The following TENT4B variants were observed in gnomAD, a reference collection of about 807,000 sequenced individuals.
TENT4B encodes the protein PAP associated domain containing 5.
In TENT4B, 10 loss-of-function variants were observed where a neutral mutation model predicts 75.0. The ratio of observed to expected loss-of-function variants is 0.13; its 90% CI spans 0.08 to 0.23. The LOEUF is 0.23. TENT4B is among the 10% of genes least tolerant of loss of function. The probability of loss-of-function intolerance (pLI) is 1.00; values close to 1 mark genes in which losing one functional copy is unlikely to be tolerated. For missense variants in TENT4B, 579 were observed against 893.8 expected (o/e 0.65, Z 4.49); for synonymous variants, 350 against 357.7 (o/e 0.98, Z 0.24).
At chr16:50,166,780 A>AT (rs57856238) in intron 1 of TENT4B, among the ~76,000 whole-genome samples, 2,167 of 115,170 alleles carry the variant, frequency 0.019, 58 homozygotes, top group African/African-American at 0.063. Flanking sequence ...TGCCTGGCTA[A>AT]TTTTTTTTTT....
In TENT4B at chr16:50,178,230, A is replaced by T. The variant is rs993019455; in HGVS notation, c.638+23971A>T. Among the ~76,000 whole-genome samples, 3 of 139,594 alleles carry T rather than the reference A, an allele frequency of 2.1e-5. No homozygotes were observed. The East Asian group carries it at 6.3e-4, about 29-fold the overall frequency. The allele number at this position is 139,594 out of a possible 152,430, so 91.6% of individuals were successfully genotyped here. ...CAGCACTTTGGGAGGCGTAAGTGGG[A>T]GGATCACTTGAGGTCAGGAGTTTGA... is the stretch of plus-strand genomic sequence containing the variant. On this transcript the variant is annotated intron_variant, in intron 1 of 11. Coordinates refer to ENST00000561678, the MANE Select transcript of TENT4B (RefSeq NM_001365324.3).
intron 1 of TENT4B, among the ~76,000 whole-genome samples, chr16:50,167,480 T>A (rs1006726454): frequency 6.6e-6 from 1 of 152,040 alleles, no homozygotes; most frequent in Non-Finnish European, 1.5e-5. Flanking sequence ...TAATGTCTTT[T>A]AAAGCACAAA....
chr16:50,167,666 T>TTTG (rs55758522), intron 1 of TENT4B, among the ~76,000 whole-genome samples: 112,062 of 151,294 alleles, frequency 0.74, 42,097 homozygotes, highest in Non-Finnish European at 0.8. Context: ...TTGAGGTTTT[T>TTTG]TTGTTGTTGT....
intron 1 of TENT4B, among the ~76,000 whole-genome samples, chr16:50,192,843 T>C (rs1156431897): frequency 1.3e-5 from 2 of 152,114 alleles, no homozygotes; most frequent in Non-Finnish European, 2.9e-5. Flanking sequence ...TCCCAGCACT[T>C]TGGGAGGCTG....
chr16:50,168,759 C>T (rs1597227524), intron 1 of TENT4B, among the ~76,000 whole-genome samples: 1 of 152,232 alleles, frequency 6.6e-6, no homozygotes, highest in Middle Eastern at 3.4e-3. Context: ...GATTCTCCTG[C>T]CTCAGTCTCC....
At chr16:50,214,366 C>T (rs1021625514) in intron 3 of TENT4B, 99 bp downstream of exon 3, 2 of 916,432 alleles carry the variant, frequency 2.2e-6, no homozygotes, top group South Asian at 3.2e-5. Flanking sequence ...ATTTATAAAA[C>T]AAAATGGGGC....
chr16:50,161,609 A>G (rs1597219067), intron 1 of TENT4B, among the ~76,000 whole-genome samples: 1 of 152,170 alleles, frequency 6.6e-6, no homozygotes, highest in Admixed American at 6.5e-5. Context: ...ATTTGTTATT[A>G]TATTAACCTC....
intron 1 of TENT4B, among the ~76,000 whole-genome samples, chr16:50,166,871 C>G (rs1355029419): frequency 6.6e-6 from 1 of 151,266 alleles, no homozygotes; most frequent in Non-Finnish European, 1.5e-5. Flanking sequence ...CTGAAGCAAT[C>G]CGCCCATCTC....
intron 3 of TENT4B, among the ~76,000 whole-genome samples, chr16:50,215,403 A>C (rs1165597766): frequency 4.6e-5 from 7 of 152,210 alleles, no homozygotes; most frequent in Admixed American, 2.6e-4. Context: ...CTTCGAGTTA[A>C]TATTTCTTAT....
chr16:50,194,575 G>A (rs2030084999), intron 1 of TENT4B, among the ~76,000 whole-genome samples: 1 of 151,422 alleles, frequency 6.6e-6, no homozygotes, highest in African/African-American at 2.4e-5. Flanking sequence ...CTTTGAGACA[G>A]GGTCTTGCTC....
At chr16:50,205,419 A>T (rs920821229) in intron 1 of TENT4B, among the ~76,000 whole-genome samples, 1 of 151,752 alleles carries the variant, frequency 6.6e-6, no homozygotes, top group Non-Finnish European at 1.5e-5. Flanking sequence ...AGTCTTCCTA[A>T]CTCTCCTGCC....
intron 1 of TENT4B, among the ~76,000 whole-genome samples, chr16:50,194,910 G>A (rs1302359956): frequency 2.6e-5 from 4 of 151,778 alleles, no homozygotes; most frequent in African/African-American, 4.8e-5. Flanking sequence ...CACCATGCCC[G>A]GCTAATTTTT....
chr16:50,196,143 T>C (rs1227289604), intron 1 of TENT4B, among the ~76,000 whole-genome samples: 3 of 152,216 alleles, frequency 2.0e-5, no homozygotes, highest in Non-Finnish European at 4.4e-5. Context: ...CTGAGGGATT[T>C]GATAAGATGA....
chr16:50,222,200 A>T, intron 5 of TENT4B, 106 bp from the exon 6 acceptor site: 1 of 1,035,422 alleles, frequency 9.7e-7, no homozygotes, highest in Non-Finnish European at 1.4e-6. Flanking sequence ...AGTATGTTGT[A>T]TATCTCTACC....
chr16:50,201,372 ACT>A (rs749931300), intron 1 of TENT4B, among the ~76,000 whole-genome samples: 61 of 151,910 alleles, frequency 4.0e-4, no homozygotes, highest in Non-Finnish European at 8.1e-4. Context: ...CGCTGTCTCT[ACT>A]AAAAATACAA....
rs2037813254 is a variant in TENT4B, at chr16:50,153,465, C to T, written c.-157C>T. On this transcript the variant is annotated 5_prime_UTR_variant, in exon 1 of 12. Coordinates refer to ENST00000561678, the MANE Select transcript of TENT4B (RefSeq NM_001365324.3). ...GGCGCCGGCCGGGCTCCCTGCGCGA[C>T]CGCGCCGCCCGCGGCGGGCCCCGAG... The T allele has an allele frequency of 3.1e-6, 3 of 968,302 alleles. No homozygotes were observed. The highest frequency in any genetic ancestry group is 1.2e-4 in the East Asian group (1 of 8,656). 60.0% of individuals were successfully genotyped at this position (968,302 alleles called of 1,614,324 possible).
chr16:50,184,653 C>T (rs1405350847), intron 1 of TENT4B, among the ~76,000 whole-genome samples: 7 of 151,198 alleles, frequency 4.6e-5, no homozygotes, highest in Non-Finnish European at 7.4e-5. Flanking sequence ...GGCGACAGAG[C>T]GAGACTCCAT....
chr16:50,234,685 T>G lies in TENT4B; in HGVS notation c.*5357T>G. On this transcript the variant is annotated 3_prime_UTR_variant, in exon 12 of 12. Transcript: ENST00000561678. ...TACAATCCTAAAATAAATCACAAGC[T>G]TGTTTGTTAGACGTGTCAAGAGTCT... 4.1e-6 allele frequency: 4 copies of G among 985,430 alleles called. No homozygotes were observed. In the African/African-American group the frequency reaches 5.2e-5, roughly 13 times the overall value. 61.0% of individuals were successfully genotyped at this position (985,430 alleles called of 1,614,324 possible).
chr16:50,184,060 C>T (rs2038476520), intron 1 of TENT4B, among the ~76,000 whole-genome samples: 1 of 152,158 alleles, frequency 6.6e-6, no homozygotes, highest in South Asian at 2.1e-4. Context: ...CATTTCTCCC[C>T]TAACCTCCCA....
Sources: allele counts gnomAD v4.1 joint callset (sites outside exome capture counted in the v4.1 genomes callset), GRCh38; gene constraint gnomAD v4.1.1; transcripts MANE v1.5; gene names NCBI Gene and HGNC (gene_info 2026-07-23, HGNC 2026-07-21).